Variants in PRDM6 observed in about 807,000 individuals in gnomAD.
PRDM6 encodes the protein PR/SET domain 6, also known as putative histone-lysine N-methyltransferase PRDM6.
PRDM6 carries 25 observed loss-of-function variants against 60.8 expected under a neutral mutation model. That is an observed-to-expected ratio of 0.41 (90% CI 0.30 to 0.57). The LOEUF (loss-of-function observed/expected upper bound fraction) is 0.57, where lower values mean the gene tolerates loss of function less well. PRDM6 is among the 20% of genes least tolerant of loss of function. The pLI is 0.27. For synonymous variants in PRDM6, 407 were observed against 357.4 expected, an observed-to-expected ratio of 1.14 and a Z score of -1.57; for missense variants, 839 against 821.3, an observed-to-expected ratio of 1.02 and a Z score of -0.26.
chr5:123,171,206 T>TG, intron 6 of PRDM6, 98 bp downstream of exon 6: 2 of 956,782 alleles, frequency 2.1e-6, no homozygotes, highest in Non-Finnish European at 3.1e-6. Flanking sequence ...GGAAGCCCTG[T>TG]GATTTGTGGT....
chr5:123,114,703 A>C (rs1163552574), intron 3 of PRDM6, among the ~76,000 whole-genome samples: 2 of 152,168 alleles, frequency 1.3e-5, no homozygotes, highest in Non-Finnish European at 2.9e-5. Context: ...AAAATGAATG[A>C]CTCTTGTGAC....
intron 3 of PRDM6, among the ~76,000 whole-genome samples, chr5:123,134,852 C>G (rs536449113): frequency 6.6e-6 from 1 of 152,132 alleles, no homozygotes. Flanking sequence ...TAGAATGTTA[C>G]CTAAGACATC....
chr5:123,167,690 A>C (rs1765786904), intron 5 of PRDM6, among the ~76,000 whole-genome samples: 1 of 152,182 alleles, frequency 6.6e-6, no homozygotes, highest in African/African-American at 2.4e-5. Flanking sequence ...CATCCGGCTC[A>C]GTTAGGTTAC....
chr5:123,091,126 C>T (rs1045130156), intron 2 of PRDM6, among the ~76,000 whole-genome samples: 3 of 152,136 alleles, frequency 2.0e-5, no homozygotes, highest in African/African-American at 7.2e-5. Context: ...GTGGGGGAAC[C>T]GGCGGGAGCT....
intron 7 of PRDM6, among the ~76,000 whole-genome samples, chr5:123,185,261 A>T (rs1766259139): frequency 6.6e-6 from 1 of 152,140 alleles, no homozygotes. Context: ...TTCATTTCTC[A>T]CAATTGTTCA....
At position 123,125,793 on chromosome 5, in the gene PRDM6, C is replaced by A. The variant is rs554562524; in HGVS notation, c.900+25832C>A. Among the ~76,000 whole-genome samples the A allele has an allele frequency of 2.6e-5, 4 of 152,240 alleles. 1 individual carries two copies. The highest frequency in any genetic ancestry group is 9.6e-5 in the African/African-American group (4 of 41,516). ...CTAAATATCTGAAGAAGGGGTAGTT[C>A]CCCAAAAGAGTCTCATTGAAGACAG... On this transcript the variant is annotated intron_variant, in intron 3 of 7. Coordinates refer to ENST00000407847, the MANE Select transcript of PRDM6 (RefSeq NM_001136239.4).
chr5:123,118,048 G>A (rs1284940784), intron 3 of PRDM6, among the ~76,000 whole-genome samples: 1 of 152,242 alleles, frequency 6.6e-6, no homozygotes, highest in African/African-American at 2.4e-5. Flanking sequence ...GGATACCTGA[G>A]GAAGATGTTT....
At chr5:123,129,660 G>T (rs1004453308) in intron 3 of PRDM6, among the ~76,000 whole-genome samples, 10 of 152,094 alleles carry the variant, frequency 6.6e-5, no homozygotes, top group Non-Finnish European at 1.5e-5. Context: ...AAACCTGTAG[G>T]TCTATCCTAA....
chr5:123,187,030 C>A, intron 7 of PRDM6, 57 bp from the exon 8 acceptor site: 1 of 1,266,692 alleles, frequency 7.9e-7, no homozygotes, highest in Non-Finnish European at 1.1e-6. Flanking sequence ...TGAGAGGAAG[C>A]CCATCACCCT....
intron 3 of PRDM6, among the ~76,000 whole-genome samples, chr5:123,114,541 T>C (rs976497828): frequency 6.6e-6 from 1 of 152,256 alleles, no homozygotes; most frequent in Non-Finnish European, 1.5e-5. Context: ...TCAGTCAGTT[T>C]GGTAAGCTTA....
intron 2 of PRDM6, among the ~76,000 whole-genome samples, chr5:123,095,207 G>A (rs901153215): frequency 6.6e-6 from 1 of 152,236 alleles, no homozygotes; most frequent in Non-Finnish European, 1.5e-5. Context: ...GGTGGGTGGC[G>A]GGGTGCAGTG....
intron 3 of PRDM6, among the ~76,000 whole-genome samples, chr5:123,140,035 G>T (rs1367637165): frequency 6.6e-6 from 1 of 152,118 alleles, no homozygotes; most frequent in Non-Finnish European, 1.5e-5. Flanking sequence ...AATGAACTGT[G>T]TAATTGGTAA....
At chr5:123,135,024 C>T (rs1269392501) in intron 3 of PRDM6, among the ~76,000 whole-genome samples, 1 of 150,194 alleles carries the variant, frequency 6.7e-6, no homozygotes, top group African/African-American at 2.4e-5. Context: ...TCACTGATCC[C>T]TGTACTCCTT....
chr5:123,119,807 A>T (rs1429650020), intron 3 of PRDM6, among the ~76,000 whole-genome samples: 4 of 152,246 alleles, frequency 2.6e-5, no homozygotes, highest in African/African-American at 9.6e-5. Flanking sequence ...TTGTTTGGAA[A>T]TTAAGCAACA....
chr5:123,168,540 A>G (rs335207), intron 5 of PRDM6, among the ~76,000 whole-genome samples: 19,737 of 152,208 alleles, frequency 0.13, 1,730 homozygotes, highest in African/African-American at 0.24. Context: ...GGATTAGATC[A>G]GTGATTCTCA....
intron 3 of PRDM6, among the ~76,000 whole-genome samples, chr5:123,135,490 G>A (rs1764933399): frequency 6.6e-6 from 1 of 152,150 alleles, no homozygotes; most frequent in Admixed American, 6.6e-5. Context: ...GCTGAGCTCA[G>A]CTTTGTATTA....
At chr5:123,110,547 C>T (rs1489393997) in intron 3 of PRDM6, among the ~76,000 whole-genome samples, 4 of 149,536 alleles carry the variant, frequency 2.7e-5, no homozygotes, top group African/African-American at 7.4e-5. Context: ...CCACTGCACC[C>T]GGCCTACTTT....
intron 3 of PRDM6, among the ~76,000 whole-genome samples, chr5:123,112,483 C>T (rs1764335032): frequency 6.6e-6 from 1 of 152,202 alleles, no homozygotes; most frequent in African/African-American, 2.4e-5. Context: ...TGGAAGTCAT[C>T]CGAGCATGTA....
intron 5 of PRDM6, among the ~76,000 whole-genome samples, chr5:123,168,817 A>G (rs1207595798): frequency 6.6e-6 from 1 of 152,252 alleles, no homozygotes; most frequent in African/African-American, 2.4e-5. Flanking sequence ...TTTGCTTAAC[A>G]CATGTGATGC....
Sources: gnomAD v4.1 joint callset for allele counts (sites outside exome capture counted in the v4.1 genomes callset) on GRCh38, gnomAD v4.1.1 for gene constraint, MANE v1.5 for transcripts, NCBI Gene and HGNC (gene_info 2026-07-23, HGNC 2026-07-21) for gene names.